The following SCLY variants were observed in gnomAD, a reference collection of about 807,000 sequenced individuals.
SCLY encodes the protein selenocysteine lyase, also known as putative selenocysteine lyase.
A neutral mutation model predicts 50.1 loss-of-function variants in SCLY; 38 were observed. That is an observed-to-expected ratio of 0.76 (90% CI 0.59 to 0.99). SCLY has a LOEUF of 0.99. SCLY is among the 50% of genes least tolerant of loss of function. SCLY has a pLI of 0.00. For synonymous variants in SCLY, 243 were observed against 249.4 expected (o/e 0.97, Z 0.24); for missense variants, 600 against 620.0 (o/e 0.97, Z 0.34).
intron 2 of SCLY, chr2:238,065,013 T>G (rs1414783177): frequency 6.6e-6 from 1 of 152,226 alleles, no homozygotes; most frequent in Non-Finnish European, 1.5e-5. Flanking sequence ...TACATTCTGT[T>G]TTTCAGACAG....
At chr2:238,094,014 G>A (rs2065398440) in intron 9 of SCLY, 70 bp downstream of exon 9, 1 of 1,367,506 alleles carries the variant, frequency 7.3e-7, no homozygotes, top group Non-Finnish European at 1.0e-6. Flanking sequence ...GAGGAGGGGT[G>A]TGGTGCTCCC....
intron 6 of SCLY, chr2:238,082,918 T>G: frequency 3.0e-6 from 1 of 329,912 alleles, no homozygotes. Context: ...TGCATTCTCT[T>G]TCTTTTTTTT....
rs569957256 is a variant in SCLY at position 238,067,002 on chromosome 2, C to T, written c.203-1063C>T. On this transcript the variant is annotated intron_variant, in intron 2 of 11. Transcript: ENST00000254663. This position sits in a 1 kb window ranked among gnomAD's most constrained non-coding sequence, Gnocchi z 4.3. ...CGAGACTAGCATGGGAAAGACCTGC[C>T]GCCATGATTCAGTTACCTCCCACCG... 3.3e-5 allele frequency among the ~76,000 whole-genome samples: 5 copies of T among 152,242 alleles called. No homozygotes were observed. Among genetic ancestry groups the T allele is most frequent in the East Asian group, 1.9e-4 (1 of 5,170 alleles).
intron 7 of SCLY, among the ~76,000 whole-genome samples, chr2:238,088,112 T>TA (rs2065318976): frequency 6.6e-6 from 1 of 152,122 alleles, no homozygotes; most frequent in Non-Finnish European, 1.5e-5. Flanking sequence ...TAAAGAATGA[T>TA]ACACTGTGAC....
rs1553568573 is a variant in SCLY, at chr2:238,098,581, C to CCGCCCACATGGGACCGCCCACATGGGAA, written c.*235_*236insGGGACCGCCCACATGGGAACGCCCACAT. Reference sequence around the variant, plus strand: ...GCCGCATAGGACTGCCCACATGGGACCGCCCACATAGGACCGCCCACATAG... The same window carrying CCGCCCACATGGGACCGCCCACATGGGAA: ...GCCGCATAGGACTGCCCACATGGGACCGCCCACATGGGACCGCCCACATGGGAACGCCCACATAGGACCGCCCACATAG... On this transcript the variant is annotated 3_prime_UTR_variant, in exon 12 of 12. Transcript: ENST00000254663. The CCGCCCACATGGGACCGCCCACATGGGAA allele has an allele frequency of 3.7e-4, 121 of 329,162 alleles. 1 individual carries two copies. The highest frequency in any genetic ancestry group is 1.3e-3 in the East Asian group (27 of 21,066). 20.4% of individuals were successfully genotyped at this position (329,162 alleles called of 1,614,324 possible).
In SCLY at chr2:238,061,137, C is replaced by T. The variant is rs1170735201; in HGVS notation, c.83C>T (p.Pro28Leu). ...QPSGCGKHNS[P>L]ERKVYMDYNA... ...AGCGGCTGCGGGAAACACAACTCGC[C>T]GGAGAGGTGCGCGCCTTTAGGGCAG... is the stretch of plus-strand genomic sequence containing the variant. Residue 28 changes from proline (P) to leucine (L), a missense_variant, in exon 1 of 12, where the codon CCG (proline) becomes CTG (leucine). Pro to Leu is a moderately conservative substitution (Grantham distance 98, BLOSUM62 -3). Transcript: ENST00000254663. 4.7e-6 allele frequency: 7 copies of T among 1,482,188 alleles called. No homozygotes were observed. The East Asian group carries it at 1.1e-4, about 23-fold the overall frequency. 91.8% of individuals were successfully genotyped at this position (1,482,188 alleles called of 1,614,324 possible).
intron 7 of SCLY, among the ~76,000 whole-genome samples, chr2:238,087,008 A>G (rs1489614578): frequency 8.4e-6 from 1 of 119,074 alleles, no homozygotes; most frequent in Non-Finnish European, 1.7e-5. Context: ...AACAAGAGCA[A>G]AACTCCGTCT....
intron 4 of SCLY, among the ~76,000 whole-genome samples, chr2:238,077,136 A>C (rs2065182399): frequency 6.6e-6 from 1 of 151,948 alleles, no homozygotes; most frequent in Non-Finnish European, 1.5e-5. Flanking sequence ...CTCCCTTCAA[A>C]CCTGTCAGTT....
At chr2:238,082,258 G>T (rs1239248491) in intron 6 of SCLY, 49 bp downstream of exon 6, 1 of 1,523,078 alleles carries the variant, frequency 6.6e-7, no homozygotes, top group African/African-American at 1.4e-5. Flanking sequence ...CTACTGCGCA[G>T]GTGGCTGTTT....
rs768478627 is a variant in SCLY at position 238,082,159 on chromosome 2, G to T, written c.727G>T (p.Val243Leu). 1.9e-6 allele frequency: 3 copies of T among 1,612,398 alleles called. No individual in the cohort carries two copies. Among genetic ancestry groups the T allele is most frequent in the Non-Finnish European group, 2.5e-6 (3 of 1,179,866 alleles). The stretch of plus-strand genomic sequence containing the variant: ...TGCACAGGCCTTGGGGAAGCAGCGC[G>T]TGGATGTGGAGGACCTGGGCGTGGA... The part of the protein sequence containing the change: ...DAAQALGKQR[V>L]DVEDLGVDFL... Residue 243 changes from valine (V) to leucine (L), a missense_variant, in exon 6 of 12, where the codon GTG (valine) becomes TTG (leucine). By Grantham distance (32) the Val-to-Leu change is conservative. Coordinates refer to ENST00000254663, the MANE Select transcript of SCLY (RefSeq NM_016510.7).
At chr2:238,081,591 T>G in intron 4 of SCLY, 118 bp from the exon 5 acceptor site, 2 of 1,408,380 alleles carry the variant, frequency 1.4e-6, no homozygotes, top group Non-Finnish European at 1.9e-6. Context: ...TATAGTCTTC[T>G]GAACTTGGAC....
chr2:238,096,960 C>T (rs1428044412), intron 11 of SCLY, 84 bp downstream of exon 11: 5 of 1,302,546 alleles, frequency 3.8e-6, no homozygotes, highest in African/African-American at 1.5e-5. Context: ...GATCCGGCCA[C>T]TGGGCCGCAC....
chr2:238,098,657 A>ACATAGAACCGCCCACATGGGACCGCCCG lies in SCLY; in HGVS notation c.*312_*313insCCCACATGGGACCGCCCGCATAGAACCG, dbSNP rs1559254963. 2 of 440,496 alleles carry ACATAGAACCGCCCACATGGGACCGCCCG rather than the reference A, an allele frequency of 4.5e-6. No individual in the cohort carries two copies. Among genetic ancestry groups the ACATAGAACCGCCCACATGGGACCGCCCG allele is most frequent in the African/African-American group, 4.1e-5 (2 of 49,256 alleles). The allele number at this position is 440,496 out of a possible 1,614,324, so 27.3% of individuals were successfully genotyped here. A position where few individuals can be genotyped will look rare whatever the true frequency, so the allele number is the denominator to read the frequency against. On this transcript the variant is annotated 3_prime_UTR_variant, in exon 12 of 12. Transcript: ENST00000254663. ...TGGGACCGCCCACATGGGACCGCCC[A>ACATAGAACCGCCCACATGGGACCGCCCG]CATAGAACCGTCCTCCAGTGGTGAA...
rs200154591 is a variant in SCLY at position 238,076,527 on chromosome 2, GT to G, written c.485-5172del. ...AAAGTATTTTCTAGTCTCCCTTGTG[GT>G]TTTTTTTTTCTATGACCCATTAGAT... On this transcript the variant is annotated intron_variant, in intron 4 of 11. Transcript: ENST00000254663. Among the ~76,000 whole-genome samples, 695 of 148,728 alleles carry G rather than the reference GT, an allele frequency of 4.7e-3. 13 individuals are homozygous for G. The highest frequency in any genetic ancestry group is 0.016 in the African/African-American group (657 of 40,660).
At position 238,066,041 on chromosome 2, in the gene SCLY, A is replaced by G. The variant is rs753382260; in HGVS notation, c.202+1572A>G. Among the ~76,000 whole-genome samples, 8 of 152,236 alleles carry G rather than the reference A, an allele frequency of 5.3e-5. No individual in the cohort carries two copies. Among genetic ancestry groups the G allele is most frequent in the Non-Finnish European group, 8.8e-5 (6 of 68,034 alleles). On this transcript the variant is annotated intron_variant, in intron 2 of 11. Coordinates refer to ENST00000254663, the MANE Select transcript of SCLY (RefSeq NM_016510.7). The surrounding 1 kb of genome is among the most constrained non-coding windows in gnomAD (Gnocchi z 4.1). ...TATGTTGAGGATGTGGGGATTTTACATACCTAAGATATTTATCACAGTCTT... is the reference window on the plus strand; with the variant it reads ...TATGTTGAGGATGTGGGGATTTTACGTACCTAAGATATTTATCACAGTCTT...
chr2:238,077,857 TG>T (rs529247990), intron 4 of SCLY, among the ~76,000 whole-genome samples: 76 of 151,878 alleles, frequency 5.0e-4, no homozygotes, highest in African/African-American at 1.8e-3. Context: ...ATCTTTGATG[TG>T]AATAATAGGA....
Position 238,099,279 on chromosome 2 carries a change from G to A in SCLY, c.*924G>A, listed in dbSNP as rs115142731. On this transcript the variant is annotated 3_prime_UTR_variant, in exon 12 of 12. Coordinates refer to ENST00000254663, the MANE Select transcript of SCLY (RefSeq NM_016510.7). ...GGCATTTGGACACACATCACATGTC[G>A]ATATTTGCATAGGAGTCATTTTCAG... The A allele has an allele frequency of 1.9e-3, 905 of 471,796 alleles. 4 individuals are homozygous for A. The highest frequency in any genetic ancestry group is 2.8e-3 in the South Asian group (179 of 64,564). 29.2% of individuals were successfully genotyped at this position (471,796 alleles called of 1,614,324 possible).
Position 238,061,026 on chromosome 2 carries a change from G to C in SCLY, c.-29G>C. 2 of 1,361,220 alleles carry C rather than the reference G, an allele frequency of 1.5e-6. No homozygotes were observed. The highest frequency in any genetic ancestry group is 1.9e-6 in the Non-Finnish European group (2 of 1,063,228). 84.3% of individuals were successfully genotyped at this position (1,361,220 alleles called of 1,614,324 possible). A position where few individuals can be genotyped will look rare whatever the true frequency, so the allele number is the denominator to read the frequency against. On this transcript the variant is annotated 5_prime_UTR_variant, in exon 1 of 12. Coordinates refer to ENST00000254663, the MANE Select transcript of SCLY (RefSeq NM_016510.7). Reference sequence around the variant, plus strand: ...GCCCGTAGCGCTCCGCGGGAAGGAGGCTGGATGCCCGGCAGCAGTGGGGCG... The same window carrying C: ...GCCCGTAGCGCTCCGCGGGAAGGAGCCTGGATGCCCGGCAGCAGTGGGGCG...
At position 238,099,090 on chromosome 2, in the gene SCLY, C is replaced by G; in HGVS notation, c.*735C>G. On this transcript the variant is annotated 3_prime_UTR_variant, in exon 12 of 12. Coordinates refer to ENST00000254663, the MANE Select transcript of SCLY (RefSeq NM_016510.7). The stretch of plus-strand genomic sequence containing the variant: ...CACTTCCCTGTCCACGGTCCCCAGG[C>G]CTTCCTGTCTTGTCCCTTTTGATCA... The G allele has an allele frequency of 2.8e-6, 1 of 353,630 alleles. No individual in the cohort carries two copies. The highest frequency in any genetic ancestry group is 2.1e-5 in the South Asian group (1 of 47,088). 21.9% of individuals were successfully genotyped at this position (353,630 alleles called of 1,614,324 possible).
Sources: allele counts gnomAD v4.1 joint callset (sites outside exome capture counted in the v4.1 genomes callset), GRCh38; gene constraint gnomAD v4.1.1; non-coding constraint Gnocchi (gnomAD v3.1); transcripts MANE v1.5; gene names NCBI Gene and HGNC (gene_info 2026-07-23, HGNC 2026-07-21).